Variants in STPG2 observed in about 807,000 individuals in gnomAD.
STPG2 encodes sperm-tail PG-rich repeat-containing protein 2.
Under a neutral mutation model 54.2 loss-of-function variants are expected in STPG2, and 56 were observed. The observed-to-expected ratio is 1.03, with a 90% CI of 0.83 to 1.29. The LOEUF is 1.29. STPG2 is among the 50% of genes most tolerant of loss of function. STPG2 has a pLI of 0.00. For missense variants in STPG2, 596 were observed against 544.9 expected (o/e 1.09, Z -0.93); for synonymous variants, 200 against 181.8 (o/e 1.10, Z -0.81).
intron 4 of STPG2, among the ~76,000 whole-genome samples, chr4:97,480,462 G>A (rs979426206): frequency 6.6e-6 from 1 of 151,524 alleles, no homozygotes; most frequent in Non-Finnish European, 1.5e-5. Context: ...CTCATTTTAA[G>A]AGGCCTGTAA....
intron 4 of STPG2, among the ~76,000 whole-genome samples, chr4:97,514,297 G>T (rs941025240): frequency 3.9e-5 from 6 of 152,082 alleles, no homozygotes; most frequent in Admixed American, 6.6e-5. Context: ...TAAGAGAAAG[G>T]AGATGAATGA....
At chr4:97,478,781 C>T (rs530016510) in intron 4 of STPG2, among the ~76,000 whole-genome samples, 3 of 151,752 alleles carry the variant, frequency 2.0e-5, no homozygotes, top group South Asian at 4.2e-4. Context: ...TTAACTGTAT[C>T]GCTAGACTTA....
At chr4:97,598,372 G>GA (rs953091662) in intron 10 of STPG2, among the ~76,000 whole-genome samples, 23 of 140,268 alleles carry the variant, frequency 1.6e-4, no homozygotes, top group East Asian at 5.9e-4. Flanking sequence ...CACGGAATTA[G>GA]AAAAAAAAAC....
At chr4:97,459,440 GT>G (rs564314656) in intron 4 of STPG2, among the ~76,000 whole-genome samples, 2,580 of 122,454 alleles carry the variant, frequency 0.021, 32 homozygotes, top group African/African-American at 0.07. Flanking sequence ...GTTTTTTTTT[GT>G]TTTTTTTTTT....
intron 8 of STPG2, among the ~76,000 whole-genome samples, chr4:97,936,594 A>T (rs113393604): frequency 2.0e-5 from 3 of 152,164 alleles, no homozygotes; most frequent in African/African-American, 7.2e-5. Context: ...TTCCCTCAGC[A>T]TTTGCTTGTC....
At chr4:98,035,945 G>A (rs1054125487) in intron 5 of STPG2, among the ~76,000 whole-genome samples, 6 of 151,846 alleles carry the variant, frequency 4.0e-5, no homozygotes, top group South Asian at 2.1e-4. Flanking sequence ...AGGGCCTGTC[G>A]AGGGGTGGGG....
intron 9 of STPG2, among the ~76,000 whole-genome samples, chr4:97,753,174 A>T (rs1054815158): frequency 6.6e-6 from 1 of 151,970 alleles, no homozygotes; most frequent in African/African-American, 2.4e-5. Context: ...CACCACCACC[A>T]CTTCCCAAAA....
intron 5 of STPG2, among the ~76,000 whole-genome samples, chr4:97,985,937 T>G (rs1734813166): frequency 6.8e-6 from 1 of 146,974 alleles, no homozygotes; most frequent in African/African-American, 2.6e-5. Context: ...CAAGCGCACG[T>G]GAGCGCACAC....
At chr4:97,533,724 T>C (rs1731467128) in intron 4 of STPG2, among the ~76,000 whole-genome samples, 1 of 152,136 alleles carries the variant, frequency 6.6e-6, no homozygotes. Flanking sequence ...TAAGTTCTTT[T>C]TATTGCTGAG....
chr4:97,911,714 A>T (rs1731685126), intron 8 of STPG2, among the ~76,000 whole-genome samples: 1 of 152,062 alleles, frequency 6.6e-6, no homozygotes, highest in South Asian at 2.1e-4. Flanking sequence ...CCTGGTGGGG[A>T]GAAGCGACAA....
At chr4:97,514,273 A>C (rs1731031686) in intron 4 of STPG2, among the ~76,000 whole-genome samples, 1 of 152,104 alleles carries the variant, frequency 6.6e-6, no homozygotes, top group South Asian at 2.1e-4. Context: ...AAGCAGCTGG[A>C]GAGATTACAG....
At chr4:98,024,831 A>G (rs1736361562) in intron 5 of STPG2, among the ~76,000 whole-genome samples, 1 of 152,244 alleles carries the variant, frequency 6.6e-6, no homozygotes. Flanking sequence ...GGCCACAAAT[A>G]TCAACAAACC....
chr4:97,747,284 T>C (rs753875405), intron 9 of STPG2, among the ~76,000 whole-genome samples: 4 of 151,380 alleles, frequency 2.6e-5, no homozygotes, highest in African/African-American at 4.8e-5. Flanking sequence ...ATTACACCCA[T>C]TTATTGAATG....
At chr4:97,640,926 C>A (rs559490849) in intron 10 of STPG2, among the ~76,000 whole-genome samples, 3 of 151,604 alleles carry the variant, frequency 2.0e-5, no homozygotes, top group African/African-American at 7.2e-5. Context: ...ACATAGACTA[C>A]ATATCCTGCA....
intron 5 of STPG2, among the ~76,000 whole-genome samples, chr4:98,082,024 A>G (rs1023138514): frequency 2.6e-5 from 4 of 152,214 alleles, no homozygotes; most frequent in Non-Finnish European, 5.9e-5. Flanking sequence ...ATTGTCTCAT[A>G]GGAGGAAGCA....
In STPG2 at chr4:98,015,775, T is replaced by C. The variant is rs527970130; in HGVS notation, c.613-34457A>G. Among the ~76,000 whole-genome samples, 7 of 152,158 alleles carry C rather than the reference T, an allele frequency of 4.6e-5. No homozygotes were observed. In the East Asian group the frequency reaches 1.4e-3, roughly 29 times the overall value. On this transcript the variant is annotated intron_variant, in intron 5 of 10. Coordinates refer to ENST00000295268, the MANE Select transcript of STPG2 (RefSeq NM_174952.3). ...ATGCACACATATGTTTATTGCGGCA[T>C]TGTTCACAATAGCAAAGACTTGGAA...
At chr4:97,652,319 A>T (rs921488489) in intron 10 of STPG2, among the ~76,000 whole-genome samples, 3 of 151,900 alleles carry the variant, frequency 2.0e-5, no homozygotes, top group Admixed American at 1.3e-4. Flanking sequence ...ATGAAAATTC[A>T]ATGAAACTAT....
chr4:97,564,618 G>C (rs963788732), intron 10 of STPG2, among the ~76,000 whole-genome samples: 4 of 152,100 alleles, frequency 2.6e-5, no homozygotes, highest in Non-Finnish European at 5.9e-5. Context: ...ACCTCTTTTA[G>C]GGCAGGCCTG....
chr4:98,048,866 A>G (rs1247867969), intron 5 of STPG2: 3 of 157,100 alleles, frequency 1.9e-5, no homozygotes, highest in African/African-American at 7.2e-5. Context: ...TATAAAGACT[A>G]CAGAGGAAAT....
Sources: allele counts gnomAD v4.1 joint callset (sites outside exome capture counted in the v4.1 genomes callset), GRCh38; gene constraint gnomAD v4.1.1; transcripts MANE v1.5; gene names NCBI Gene and HGNC (gene_info 2026-07-23, HGNC 2026-07-21).